The following NXPE4 variants were observed in gnomAD, a reference collection of about 807,000 sequenced individuals.
NXPE4 encodes the protein neurexophilin and PC-esterase domain family member 4.
In NXPE4, 42 loss-of-function variants were observed where a neutral mutation model predicts 33.3. That is an observed-to-expected ratio of 1.26 (90% confidence interval 0.98 to 1.63). The LOEUF (loss-of-function observed/expected upper bound fraction) is 1.63. Among genes scored for constraint, NXPE4 ranks in the 40% most tolerant of loss-of-function variants. The probability of loss-of-function intolerance (pLI) is 0.00; values close to 1 mark genes in which losing one functional copy is unlikely to be tolerated. For synonymous variants in NXPE4, 253 were observed against 234.9 expected (o/e 1.08, Z -0.71); for missense variants, 709 against 647.6 (o/e 1.09, Z -1.03).
At chr11:114,593,284 G>A (rs1479331120) in intron 2 of NXPE4, among the ~76,000 whole-genome samples, 3 of 151,968 alleles carry the variant, frequency 2.0e-5, no homozygotes, top group Non-Finnish European at 4.4e-5. Flanking sequence ...CATCTGACAG[G>A]GGATTACTAT....
rs573516887 is a variant in NXPE4, at chr11:114,590,423, T to C, written c.96+4241A>G. Among the ~76,000 whole-genome samples the C allele has an allele frequency of 7.9e-5, 12 of 152,296 alleles. No homozygotes were observed. In the South Asian group the frequency reaches 2.5e-3, roughly 32 times the overall value. Reference sequence around the variant, plus strand: ...AATCCTCAAGCAACTGACAAGATTTTGGGGCATTACAGGATTTTGCAGGCT... The same window carrying C: ...AATCCTCAAGCAACTGACAAGATTTCGGGGCATTACAGGATTTTGCAGGCT... On this transcript the variant is annotated intron_variant, in intron 2 of 5. Transcript: ENST00000375478.
chr11:114,663,637 C>CATCTATCATCT, the NXPE4 span, among the ~76,000 whole-genome samples: 44 of 138,868 alleles, frequency 3.2e-4, no homozygotes, highest in Non-Finnish European at 4.5e-4. Flanking sequence ...ATCTATCTAT[C>CATCTATCATCT]ATCTATCCAT....
chr11:114,636,678 A>G, the NXPE4 span, among the ~76,000 whole-genome samples: 456 of 150,552 alleles, frequency 3.0e-3, 2 homozygotes, highest in Non-Finnish European at 4.8e-3. Flanking sequence ...GTTCTCATTG[A>G]TTTCAAAGAA....
At chr11:114,607,618 C>T in the NXPE4 span, among the ~76,000 whole-genome samples, 1 of 151,484 alleles carries the variant, frequency 6.6e-6, no homozygotes, top group South Asian at 2.1e-4. Flanking sequence ...ACCAGTGTTA[C>T]CCGGTGGATA....
chr11:114,574,823 C>A (rs1346669450), intron 5 of NXPE4, among the ~76,000 whole-genome samples: 1 of 152,060 alleles, frequency 6.6e-6, no homozygotes. Flanking sequence ...AGAGGGAATC[C>A]TCCCTAAATA....
the NXPE4 span, among the ~76,000 whole-genome samples, chr11:114,633,403 T>C: frequency 3.4e-5 from 5 of 145,520 alleles, no homozygotes; most frequent in Admixed American, 7.1e-5. Flanking sequence ...TTATATATTA[T>C]ATTTTATTAT....
the NXPE4 span, among the ~76,000 whole-genome samples, chr11:114,616,453 G>A: frequency 6.6e-6 from 1 of 151,846 alleles, no homozygotes; most frequent in African/African-American, 2.4e-5. Flanking sequence ...TGTAACCACT[G>A]TTACCCAATG....
At chr11:114,652,767 C>T in the NXPE4 span, among the ~76,000 whole-genome samples, 1 of 152,156 alleles carries the variant, frequency 6.6e-6, no homozygotes, top group Admixed American at 6.5e-5. Flanking sequence ...TGTTTTGAGA[C>T]TCTGGGGTTG....
the NXPE4 span, among the ~76,000 whole-genome samples, chr11:114,628,292 T>C: frequency 1.3e-5 from 2 of 151,300 alleles, no homozygotes; most frequent in African/African-American, 4.9e-5. Context: ...TCAGAAAATG[T>C]AAAAGAACAG....
intron 5 of NXPE4, among the ~76,000 whole-genome samples, chr11:114,571,737 C>T (rs1250542904): frequency 1.3e-5 from 2 of 152,174 alleles, no homozygotes; most frequent in African/African-American, 2.4e-5. Flanking sequence ...TGGAGACTCA[C>T]ATCATGAACT....
At chr11:114,592,319 A>C (rs1949475076) in intron 2 of NXPE4, among the ~76,000 whole-genome samples, 1 of 152,194 alleles carries the variant, frequency 6.6e-6, no homozygotes, top group Non-Finnish European at 1.5e-5. Context: ...TTAAAAACTC[A>C]GTAAAGTTGC....
chr11:114,583,538 G>A (rs755411000), intron 2 of NXPE4: 49 of 606,122 alleles, frequency 8.1e-5, no homozygotes, highest in Non-Finnish European at 1.2e-4. Flanking sequence ...GAGATTCAAC[G>A]TTAGTGAGGA....
At chr11:114,676,126 T>C in the NXPE4 span, among the ~76,000 whole-genome samples, 1 of 151,908 alleles carries the variant, frequency 6.6e-6, no homozygotes, top group African/African-American at 2.4e-5. Flanking sequence ...GACTTAAACA[T>C]AGGACCTGAA....
At chr11:114,589,667 GGTTGAGTT>G (rs1373998736) in intron 2 of NXPE4, among the ~76,000 whole-genome samples, 1 of 152,148 alleles carries the variant, frequency 6.6e-6, no homozygotes, top group Admixed American at 6.5e-5. Flanking sequence ...AGGAAGAATA[GGTTGAGTT>G]GTAACCACTA....
chr11:114,664,086 A>T, the NXPE4 span, among the ~76,000 whole-genome samples: 2 of 152,206 alleles, frequency 1.3e-5, no homozygotes, highest in Non-Finnish European at 2.9e-5. Context: ...TTATTTATAG[A>T]GGTTTTATTC....
At chr11:114,638,932 G>A in the NXPE4 span, among the ~76,000 whole-genome samples, 1 of 150,058 alleles carries the variant, frequency 6.7e-6, no homozygotes, top group Non-Finnish European at 1.5e-5. Context: ...ACCCACTTGA[G>A]GAGGCAGTCT....
the NXPE4 span, among the ~76,000 whole-genome samples, chr11:114,630,866 C>T: frequency 4.0e-5 from 6 of 151,590 alleles, no homozygotes; most frequent in South Asian, 2.1e-4. Context: ...GGGCAAAGGA[C>T]ATGAACAGAC....
At chr11:114,573,990 A>G (rs1346416594) in intron 5 of NXPE4, among the ~76,000 whole-genome samples, 1 of 152,134 alleles carries the variant, frequency 6.6e-6, no homozygotes, top group African/African-American at 2.4e-5. Context: ...AATTTAAGAA[A>G]ATCAAAATTA....
At chr11:114,581,129 G>T (rs1949135379) in intron 4 of NXPE4, among the ~76,000 whole-genome samples, 1 of 152,114 alleles carries the variant, frequency 6.6e-6, no homozygotes, top group African/African-American at 2.4e-5. Context: ...TGATTAGCAA[G>T]GTTTTAATGC....
Sources: gnomAD v4.1 joint callset for allele counts (sites outside exome capture counted in the v4.1 genomes callset) on GRCh38, gnomAD v4.1.1 for gene constraint, MANE v1.5 for transcripts, NCBI Gene and HGNC (gene_info 2026-07-23, HGNC 2026-07-21) for gene names.